ERBIN: variants seen among roughly 807,000 people sequenced by gnomAD.
ERBIN encodes the protein densin-180-like protein.
In ERBIN, 60 loss-of-function variants were observed where a neutral mutation model predicts 158.4. The observed-to-expected ratio is 0.38, with a 90% CI of 0.31 to 0.47. The LOEUF (loss-of-function observed/expected upper bound fraction) is 0.47. ERBIN is among the 20% of genes least tolerant of loss of function. ERBIN has a pLI of 0.99. For missense variants in ERBIN, 1,610 were observed against 1,648.0 expected (o/e 0.98, Z 0.40); for synonymous variants, 594 against 557.2 (o/e 1.07, Z -0.93).
At chr5:66,000,553 A>G (rs1580307558) in intron 4 of ERBIN, among the ~76,000 whole-genome samples, 1 of 152,160 alleles carries the variant, frequency 6.6e-6, no homozygotes, top group East Asian at 1.9e-4. Flanking sequence ...TGATCAAAAG[A>G]TTTAGGAAAA....
intron 1 of ERBIN, among the ~76,000 whole-genome samples, chr5:65,983,240 A>C (rs1750839473): frequency 6.6e-6 from 1 of 152,190 alleles, no homozygotes; most frequent in Non-Finnish European, 1.5e-5. Context: ...ATGGGACCAG[A>C]CATTGATGTT....
chr5:66,000,450 T>C (rs1752906685), intron 4 of ERBIN, among the ~76,000 whole-genome samples: 1 of 152,170 alleles, frequency 6.6e-6, no homozygotes, highest in Non-Finnish European at 1.5e-5. Flanking sequence ...CTTTCTAGTT[T>C]AGCATTTTGT....
At chr5:66,058,012 A>T (rs1299972658) in intron 21 of ERBIN, among the ~76,000 whole-genome samples, 1 of 152,062 alleles carries the variant, frequency 6.6e-6, no homozygotes, top group African/African-American at 2.4e-5. Context: ...CATGTGTCTT[A>T]ATAGCAGCAT....
chr5:66,018,057 T>C (rs1048557436), intron 7 of ERBIN, among the ~76,000 whole-genome samples: 2 of 152,062 alleles, frequency 1.3e-5, no homozygotes, highest in Non-Finnish European at 2.9e-5. Context: ...CTATATACCA[T>C]GCTGTTTTGA....
chr5:65,939,294 G>A (rs997429463), intron 1 of ERBIN, among the ~76,000 whole-genome samples: 1 of 152,008 alleles, frequency 6.6e-6, no homozygotes, highest in African/African-American at 2.4e-5. Context: ...AAAATTAGCC[G>A]AGTGTGGTGG....
chr5:66,076,710 TAGAGGTAA>T, intron 24 of ERBIN, 157 bp from the exon 25 acceptor site: 1 of 624,454 alleles, frequency 1.6e-6, no homozygotes. Flanking sequence ...TCAGAATTAC[TAGAGGTAA>T]AAATAACTAG....
intron 4 of ERBIN, among the ~76,000 whole-genome samples, chr5:66,003,730 G>A (rs1753240821): frequency 6.6e-6 from 1 of 152,098 alleles, no homozygotes; most frequent in Admixed American, 6.6e-5. Context: ...GCCTCCATCT[G>A]AATGCCAGGG....
chr5:65,961,893 A>C (rs1747968188), intron 1 of ERBIN, among the ~76,000 whole-genome samples: 1 of 152,280 alleles, frequency 6.6e-6, no homozygotes, highest in African/African-American at 2.4e-5. Flanking sequence ...TGAGTCACTA[A>C]TGAGGTGCCT....
At chr5:66,068,769 A>T in intron 21 of ERBIN, 1 of 956,014 alleles carries the variant, frequency 1.0e-6, no homozygotes, top group Non-Finnish European at 1.4e-6. Context: ...GTTGCATGAT[A>T]CTTCTCTGGT....
rs74707078 is a variant in ERBIN at position 66,045,424 on chromosome 5, A to C, written c.1603-929A>C. The stretch of plus-strand genomic sequence containing the variant: ...ATATTACATATAGCCTATATGTAAT[A>C]TAGTATATGTATATGTATATGTATG... On this transcript the variant is annotated intron_variant, in intron 17 of 25. Coordinates refer to ENST00000284037, the MANE Select transcript of ERBIN (RefSeq NM_001253697.2). Among the ~76,000 whole-genome samples the C allele has an allele frequency of 1.0e-3, 147 of 146,038 alleles. 1 individual carries two copies. Among genetic ancestry groups the C allele is most frequent in the African/African-American group, 4.0e-3 (145 of 36,124 alleles).
At chr5:66,006,181 A>C (rs1244701356) in intron 4 of ERBIN, among the ~76,000 whole-genome samples, 1 of 152,198 alleles carries the variant, frequency 6.6e-6, no homozygotes, top group Non-Finnish European at 1.5e-5. Context: ...CATAGTACTG[A>C]TACCAAAACA....
At chr5:66,018,456 AT>A (rs1317921872) in intron 7 of ERBIN, among the ~76,000 whole-genome samples, 1 of 13,496 alleles carries the variant, frequency 7.4e-5, no homozygotes, top group East Asian at 2.1e-3. Flanking sequence ...AATATATATT[AT>A]ATTATATAAT....
intron 7 of ERBIN, among the ~76,000 whole-genome samples, chr5:66,015,606 A>G (rs541258308): frequency 9.9e-5 from 15 of 152,136 alleles, no homozygotes; most frequent in Non-Finnish European, 1.9e-4. Context: ...TTGCCAACTC[A>G]TGTTGAAATC....
Position 66,043,207 on chromosome 5 carries a change from G to GT in ERBIN, c.1428+11dup, listed in dbSNP as rs761933090. The GT allele has an allele frequency of 6.2e-7, 1 of 1,609,910 alleles. No individual in the cohort carries two copies. The highest frequency in any genetic ancestry group is 1.1e-5 in the South Asian group (1 of 90,616). ...GGGAGGCACCTCCCAGGGTGAGTCT[G>GT]TTCTTTATTCTTTAAAATTTGAAAC... On this transcript the variant is annotated intron_variant, in intron 16 of 25. Transcript: ENST00000284037.
At chr5:66,023,593 A>G (rs996307432) in intron 9 of ERBIN, among the ~76,000 whole-genome samples, 6 of 152,004 alleles carry the variant, frequency 3.9e-5, no homozygotes, top group African/African-American at 7.2e-5. Context: ...GTCCTTTCCA[A>G]TGGTATCACT....
At chr5:66,017,906 T>TA (rs374204008) in intron 7 of ERBIN, among the ~76,000 whole-genome samples, 99 of 152,286 alleles carry the variant, frequency 6.5e-4, no homozygotes, top group African/African-American at 2.3e-3. Context: ...TGCATATAGT[T>TA]ATCAAGTTTC....
At chr5:65,965,956 T>C (rs1410344166) in intron 1 of ERBIN, among the ~76,000 whole-genome samples, 1 of 152,196 alleles carries the variant, frequency 6.6e-6, no homozygotes, top group Admixed American at 6.5e-5. Flanking sequence ...CATCATCACA[T>C]GCAAATAAAA....
intron 1 of ERBIN, among the ~76,000 whole-genome samples, chr5:65,980,624 C>T (rs1397880646): frequency 6.6e-6 from 1 of 151,872 alleles, no homozygotes; most frequent in Non-Finnish European, 1.5e-5. Context: ...TAAAAGTAAT[C>T]CATGGAAAAT....
At chr5:65,999,195 T>C (rs759711413) in intron 4 of ERBIN, among the ~76,000 whole-genome samples, 13 of 151,314 alleles carry the variant, frequency 8.6e-5, no homozygotes, top group Admixed American at 5.2e-4. Context: ...GTGGACCCCG[T>C]CTCTACTAAA....
Sources: gnomAD v4.1 joint callset for allele counts (sites outside exome capture counted in the v4.1 genomes callset) on GRCh38, gnomAD v4.1.1 for gene constraint, MANE v1.5 for transcripts, NCBI Gene and HGNC (gene_info 2026-07-23, HGNC 2026-07-21) for gene names.